Variants in ADGRG6 observed in about 807,000 individuals in gnomAD.
The protein encoded by ADGRG6 is adhesion G protein-coupled receptor G6.
Under a neutral mutation model 142.4 loss-of-function variants are expected in ADGRG6, and 84 were observed. That is an observed-to-expected ratio of 0.59 (90% CI 0.49 to 0.71). The LOEUF is 0.71. Ranked by LOEUF, ADGRG6 falls within the 30% of genes least tolerant of loss-of-function variation. The pLI is 0.00. For missense variants in ADGRG6, 1,367 were observed against 1,466.6 expected (o/e 0.93, Z 1.11); for synonymous variants, 521 against 520.5 (o/e 1.00, Z -0.01).
intron 2 of ADGRG6, among the ~76,000 whole-genome samples, chr6:142,345,446 G>GT (rs1317744101): frequency 1.3e-5 from 2 of 151,900 alleles, no homozygotes; most frequent in East Asian, 3.8e-4. Context: ...AAACCTCTTA[G>GT]TTTTTTTGTT....
In ADGRG6 at chr6:142,397,689, C is replaced by G. The variant is rs1165166126; in HGVS notation, c.1501C>G (p.Leu501Val). 1 of 1,607,604 alleles carries G rather than the reference C, an allele frequency of 6.2e-7. No individual in the cohort carries two copies. The highest frequency in any genetic ancestry group is 8.5e-7 in the Non-Finnish European group (1 of 1,176,202). Reference sequence around the variant, plus strand: ...GGAAGGAAAAATCATTCAGCAGAAGCTCCTAAAAAATAATGAGTCCTTGGA... The same window carrying G: ...GGAAGGAAAAATCATTCAGCAGAAGGTCCTAAAAAATAATGAGTCCTTGGA... The part of the protein sequence containing the change: ...NLEGKIIQQK[L>V]LKNNESLDEG... The change falls in exon 10 of 25, where the codon CTC becomes GTC. Residue 501 changes from leucine to valine, a missense_variant. Coordinates refer to ENST00000367609, the MANE Select transcript of ADGRG6 (RefSeq NM_198569.3).
intron 2 of ADGRG6, among the ~76,000 whole-genome samples, chr6:142,312,998 A>T (rs1308941221): frequency 6.6e-6 from 1 of 152,096 alleles, no homozygotes; most frequent in Admixed American, 6.6e-5. Flanking sequence ...CTTTGTAAAC[A>T]TGTTAACAAA....
intron 6 of ADGRG6, among the ~76,000 whole-genome samples, chr6:142,389,859 C>T (rs1774791236): frequency 6.6e-6 from 1 of 151,840 alleles, no homozygotes; most frequent in Non-Finnish European, 1.5e-5. Flanking sequence ...TTCAAGTTTT[C>T]ACATCCCAAA....
intron 18 of ADGRG6, among the ~76,000 whole-genome samples, chr6:142,411,684 G>A (rs1296804001): frequency 6.6e-6 from 1 of 152,070 alleles, no homozygotes. Flanking sequence ...AAATCCTCAT[G>A]AAACTTTTTA....
At chr6:142,428,420 A>G (rs1237469209) in intron 22 of ADGRG6, among the ~76,000 whole-genome samples, 1 of 152,152 alleles carries the variant, frequency 6.6e-6, no homozygotes. Context: ...CAAGGCTGAA[A>G]CCAAATTTAT....
chr6:142,312,952 G>T (rs1393947958), intron 2 of ADGRG6, among the ~76,000 whole-genome samples: 2 of 152,056 alleles, frequency 1.3e-5, no homozygotes, highest in Non-Finnish European at 2.9e-5. Context: ...ATCAGGCACT[G>T]TGGCTCACAC....
intron 2 of ADGRG6, among the ~76,000 whole-genome samples, chr6:142,355,112 C>T (rs1040486012): frequency 1.3e-5 from 2 of 152,162 alleles, no homozygotes; most frequent in Admixed American, 1.3e-4. Context: ...CAAAATGGCA[C>T]ATAGTCTTCC....
rs779344190 is a variant in ADGRG6 at position 142,437,482 on chromosome 6, A to G, written c.3368A>G (p.Lys1123Arg). 1 of 1,589,198 alleles carries G rather than the reference A, an allele frequency of 6.3e-7. No homozygotes were observed. Among genetic ancestry groups the G allele is most frequent in the South Asian group, 1.1e-5 (1 of 90,590 alleles). Residue 1123 changes from lysine to arginine, a missense_variant, in exon 23 of 25, where the codon AAA becomes AGA. By Grantham distance (26) the Lys-to-Arg change is conservative (BLOSUM62 2). Coordinates refer to ENST00000367609, the MANE Select transcript of ADGRG6 (RefSeq NM_198569.3). ...FHCAMKENVQKQWRQHLCCGR... is the reference protein window; with the variant it reads ...FHCAMKENVQRQWRQHLCCGR... ...TGTGCTATGAAGGAGAATGTTCAGA[A>G]ACAGTGGCGGCAGCATCTCTGCTGT...
chr6:142,310,288 G>A (rs1171653304), intron 2 of ADGRG6, among the ~76,000 whole-genome samples: 1 of 151,724 alleles, frequency 6.6e-6, no homozygotes, highest in Admixed American at 6.6e-5. Flanking sequence ...TAGAGGCTGA[G>A]GAATGTGAAT....
chr6:142,404,533 A>T (rs1259138404), intron 14 of ADGRG6, among the ~76,000 whole-genome samples: 1 of 152,044 alleles, frequency 6.6e-6, no homozygotes, highest in African/African-American at 2.4e-5. Context: ...AATCCCAGCT[A>T]TTCAGGAGGC....
intron 24 of ADGRG6, among the ~76,000 whole-genome samples, chr6:142,440,332 C>T (rs1434313693): frequency 6.6e-6 from 1 of 152,032 alleles, no homozygotes; most frequent in Non-Finnish European, 1.5e-5. Flanking sequence ...GCTCTGTTTA[C>T]CAGGCTGGAG....
chr6:142,354,193 AC>A (rs991997309), intron 2 of ADGRG6, among the ~76,000 whole-genome samples: 81 of 152,206 alleles, frequency 5.3e-4, no homozygotes, highest in Non-Finnish European at 2.4e-4. Context: ...ATTAAAAAAA[AC>A]CTTGGTGAAA....
Position 142,382,001 on chromosome 6 carries a change from C to G in ADGRG6, c.1120C>G (p.Leu374Val). 1.2e-6 allele frequency: 2 copies of G among 1,603,338 alleles called. No individual in the cohort carries two copies. The highest frequency in any genetic ancestry group is 1.7e-6 in the Non-Finnish European group (2 of 1,172,918). Residue 374 changes from leucine to valine, a missense_variant, in exon 5 of 25, where the codon CTG becomes GTG. Physicochemically the swap from Leu to Val is conservative, Grantham distance 32. Around this residue, in one of 3 missense-constraint regions of ADGRG6, gnomAD observed 737 missense variants for 746.5 expected, o/e 0.99. Coordinates refer to ENST00000367609, the MANE Select transcript of ADGRG6 (RefSeq NM_198569.3). ...PAAELASCAD[L>V]GTLCQATVNS... ...AGCAGAACTGGCCAGCTGTGCAGAC[C>G]TGGGGACCCTCTGTCAAGGTAGGGA...
intron 4 of ADGRG6, among the ~76,000 whole-genome samples, chr6:142,379,697 G>C (rs1781668840): frequency 6.6e-6 from 1 of 152,162 alleles, no homozygotes; most frequent in African/African-American, 2.4e-5. Context: ...AACCCGGGAG[G>C]CAGAGTTTGC....
chr6:142,440,587 C>T (rs1049526044), intron 24 of ADGRG6, among the ~76,000 whole-genome samples: 6 of 152,178 alleles, frequency 3.9e-5, no homozygotes, highest in Non-Finnish European at 7.3e-5. Context: ...TGAGCCACCA[C>T]ACTTAGCCTT....
chr6:142,368,544 G>GC (rs1554242452), intron 3 of ADGRG6, among the ~76,000 whole-genome samples: 3 of 147,794 alleles, frequency 2.0e-5, no homozygotes, highest in Non-Finnish European at 4.5e-5. Context: ...TAGTTATACT[G>GC]TTTTTTTTTT....
At chr6:142,375,221 C>T (rs535276640) in intron 4 of ADGRG6, among the ~76,000 whole-genome samples, 17 of 152,286 alleles carry the variant, frequency 1.1e-4, no homozygotes, top group African/African-American at 3.6e-4. Flanking sequence ...TTAAGATTAT[C>T]GGAGTGCATC....
chr6:142,340,385 A>G (rs1276716819), intron 2 of ADGRG6, among the ~76,000 whole-genome samples: 2 of 152,136 alleles, frequency 1.3e-5, no homozygotes, highest in Non-Finnish European at 2.9e-5. Context: ...ATTTGTGGTC[A>G]TGATTAAACT....
intron 4 of ADGRG6, among the ~76,000 whole-genome samples, chr6:142,374,487 G>T (rs1781403448): frequency 6.6e-6 from 1 of 152,204 alleles, no homozygotes; most frequent in African/African-American, 2.4e-5. Context: ...GGCCAACACA[G>T]CTGGAGCTAA....
Sources: gnomAD v4.1 joint callset for allele counts (sites outside exome capture counted in the v4.1 genomes callset) on GRCh38, gnomAD v4.1.1 for gene constraint, gnomAD v4.1.1 regional missense constraint, MANE v1.5 for transcripts, NCBI Gene and HGNC (gene_info 2026-07-23, HGNC 2026-07-21) for gene names.